The following CTNNA2 variants were observed in gnomAD, a reference collection of about 807,000 sequenced individuals.
CTNNA2 encodes the protein catenin alpha 2.
Under a neutral mutation model 101.0 loss-of-function variants are expected in CTNNA2, and 42 were observed. The observed-to-expected ratio is 0.42, with a 90% CI of 0.32 to 0.54. CTNNA2 has a LOEUF of 0.54. CTNNA2 is among the 20% of genes least tolerant of loss of function. CTNNA2 has a pLI of 0.14. For missense variants in CTNNA2, 871 were observed against 1,223.1 expected, an observed-to-expected ratio of 0.71 and a Z score of 4.29; for synonymous variants, 450 against 456.4, an observed-to-expected ratio of 0.99 and a Z score of 0.18.
chr2:79,648,040 G>A (rs1162509990), intron 1 of CTNNA2, among the ~76,000 whole-genome samples: 1 of 152,192 alleles, frequency 6.6e-6, no homozygotes, highest in Admixed American at 6.5e-5. Flanking sequence ...AATAGCAATG[G>A]AATAGGAAAA....
At chr2:79,876,161 A>G (rs953466726) in intron 6 of CTNNA2, among the ~76,000 whole-genome samples, 1 of 152,132 alleles carries the variant, frequency 6.6e-6, no homozygotes, top group Admixed American at 6.5e-5. Context: ...AGCAATCTCA[A>G]TACAAATTCT....
At chr2:79,571,230 G>A (rs1025110964) in intron 1 of CTNNA2, among the ~76,000 whole-genome samples, 1 of 152,070 alleles carries the variant, frequency 6.6e-6, no homozygotes, top group Non-Finnish European at 1.5e-5. Context: ...AGTAACAAGT[G>A]TCTTACCTTG....
intron 2 of CTNNA2, among the ~76,000 whole-genome samples, chr2:79,282,784 G>T (rs1675431953): frequency 8.1e-6 from 1 of 122,904 alleles, no homozygotes; most frequent in African/African-American, 2.6e-5. Context: ...GTAATGGGAT[G>T]GCTGGGTCAA....
chr2:79,460,906 A>C (rs879697742), intron 4 of CTNNA2, among the ~76,000 whole-genome samples: 1 of 151,540 alleles, frequency 6.6e-6, no homozygotes, highest in South Asian at 2.1e-4. Context: ...CAGTGGTGCT[A>C]TCTCTACTCA....
chr2:79,341,385 C>T (rs533177191), intron 3 of CTNNA2, among the ~76,000 whole-genome samples: 1 of 152,246 alleles, frequency 6.6e-6, no homozygotes, highest in Admixed American at 6.5e-5. Context: ...GGACCAGTCT[C>T]TGAACTTTGC....
chr2:79,943,437 G>A (rs953863542), intron 7 of CTNNA2, among the ~76,000 whole-genome samples: 1 of 152,136 alleles, frequency 6.6e-6, no homozygotes, highest in African/African-American at 2.4e-5. Flanking sequence ...CATGGTCCTG[G>A]TGACTCTGAG....
At chr2:80,223,804 G>T (rs1185066389) in intron 7 of CTNNA2, among the ~76,000 whole-genome samples, 1 of 152,198 alleles carries the variant, frequency 6.6e-6, no homozygotes, top group Non-Finnish European at 1.5e-5. Flanking sequence ...CAATGCTCAT[G>T]CCTGTGGCTT....
At chr2:79,540,876 A>G (rs1038195804) in intron 1 of CTNNA2, among the ~76,000 whole-genome samples, 20 of 152,314 alleles carry the variant, frequency 1.3e-4, no homozygotes, top group African/African-American at 4.6e-4. Context: ...AAGTTTGATC[A>G]AATAATTTGC....
At chr2:79,743,072 G>A (rs371549171) in intron 2 of CTNNA2, among the ~76,000 whole-genome samples, 1 of 151,934 alleles carries the variant, frequency 6.6e-6, no homozygotes, top group East Asian at 1.9e-4. Flanking sequence ...GAACTTTTTT[G>A]TAGACTGGCT....
In CTNNA2 at chr2:80,562,412, C is replaced by T. The variant is rs574014867; in HGVS notation, c.1741+6519C>T. On this transcript the variant is annotated intron_variant, in intron 12 of 18. Coordinates refer to ENST00000402739, the MANE Select transcript of CTNNA2 (RefSeq NM_001282597.3). ...TAAGATAAATGCAAATTAAAAACTA[C>T]GCTGAGAAACCATTACCCATCAGAA... Among the ~76,000 whole-genome samples the T allele has an allele frequency of 6.6e-5, 10 of 152,202 alleles. No homozygotes were observed. In the East Asian group the frequency reaches 9.7e-4, roughly 15 times the overall value.
In CTNNA2 at chr2:79,756,506, G is replaced by A. The variant is rs186153527; in HGVS notation, c.298+11924G>A. On this transcript the variant is annotated intron_variant, in intron 3 of 18. Transcript: ENST00000402739. The stretch of plus-strand genomic sequence containing the variant: ...AATATTAAACAGGGTGATGATTATA[G>A]GCTATGGAAGTGCAATTTAAAAATG... 3.3e-5 allele frequency among the ~76,000 whole-genome samples: 5 copies of A among 152,178 alleles called. No homozygotes were observed. The East Asian group carries it at 9.6e-4, about 29-fold the overall frequency.
chr2:80,111,432 A>C (rs1041841449), intron 7 of CTNNA2, among the ~76,000 whole-genome samples: 3 of 152,262 alleles, frequency 2.0e-5, no homozygotes, highest in Admixed American at 1.3e-4. Flanking sequence ...GCACATGACC[A>C]GCTGTCCTCT....
chr2:80,461,681 TA>T (rs937489476), intron 9 of CTNNA2, among the ~76,000 whole-genome samples: 90 of 146,054 alleles, frequency 6.2e-4, no homozygotes, highest in Middle Eastern at 7.1e-3. Context: ...ATCCGAAACT[TA>T]AAAAAAAAAA....
chr2:79,874,791 A>G (rs1488843881), intron 6 of CTNNA2, among the ~76,000 whole-genome samples: 1 of 152,144 alleles, frequency 6.6e-6, no homozygotes, highest in African/African-American at 2.4e-5. Flanking sequence ...CTGGGCAACA[A>G]CAGCAAAACT....
intron 1 of CTNNA2, among the ~76,000 whole-genome samples, chr2:79,632,516 A>G (rs1237416393): frequency 1.3e-5 from 2 of 152,246 alleles, no homozygotes; most frequent in African/African-American, 4.8e-5. Flanking sequence ...CTATGCTAAT[A>G]AATCTACCAG....
intron 4 of CTNNA2, among the ~76,000 whole-genome samples, chr2:79,416,873 T>G (rs1313525276): frequency 1.3e-5 from 2 of 152,056 alleles, no homozygotes; most frequent in East Asian, 3.9e-4. Flanking sequence ...AACACATAAC[T>G]TCTTACAGGA....
intron 18 of CTNNA2, among the ~76,000 whole-genome samples, chr2:80,619,851 C>T (rs574877407): frequency 6.6e-6 from 1 of 151,998 alleles, no homozygotes; most frequent in African/African-American, 2.4e-5. Context: ...TGTTGTTGCA[C>T]GTCCTAACCC....
chr2:79,409,687 G>A (rs1678384959), intron 4 of CTNNA2, among the ~76,000 whole-genome samples: 2 of 150,246 alleles, frequency 1.3e-5, no homozygotes, highest in African/African-American at 4.9e-5. Context: ...GTACCATGCT[G>A]TTTTGGTTAC....
intron 7 of CTNNA2, among the ~76,000 whole-genome samples, chr2:80,315,842 T>C (rs1678067107): frequency 1.3e-5 from 2 of 152,182 alleles, no homozygotes; most frequent in South Asian, 4.1e-4. Context: ...TTTTTATTTC[T>C]CAAGCCATGT....
Sources: gnomAD v4.1 joint callset for allele counts (sites outside exome capture counted in the v4.1 genomes callset) on GRCh38, gnomAD v4.1.1 for gene constraint, MANE v1.5 for transcripts, NCBI Gene and HGNC (gene_info 2026-07-23, HGNC 2026-07-21) for gene names.